Variants in VSIG10L observed in about 807,000 individuals in gnomAD.
VSIG10L encodes V-set and immunoglobulin domain-containing protein 10-like.
A neutral mutation model predicts 67.3 loss-of-function variants in VSIG10L; 63 were observed. The ratio of observed to expected loss-of-function variants is 0.94; its 90% CI spans 0.76 to 1.15. VSIG10L has a LOEUF of 1.15. VSIG10L is among the 50% of genes most tolerant of loss of function. The pLI is 0.00. For missense variants in VSIG10L, 1,050 were observed against 1,177.5 expected (o/e 0.89, Z 1.58); for synonymous variants, 499 against 524.9 (o/e 0.95, Z 0.67).
At chr19:51,334,894 G>A (rs1985446205) in intron 7 of VSIG10L, among the ~76,000 whole-genome samples, 1 of 152,172 alleles carries the variant, frequency 6.6e-6, no homozygotes. Flanking sequence ...AGCCCAGATC[G>A]TGCCACTGCA....
chr19:51,340,627 C>T lies in VSIG10L; in HGVS notation c.995G>A (p.Gly332Glu), dbSNP rs928587553. 3.3e-6 allele frequency: 5 copies of T among 1,534,550 alleles called. No homozygotes were observed. Among genetic ancestry groups the T allele is most frequent in the Middle Eastern group, 1.9e-4 (1 of 5,234 alleles). ...LRCLGWGPGR[G>E]ELSWSRDGRA... ...TCCGTCCCGGCTCCAGCTCAGCTCC[C>T]CGCGACCTGGCCCCCACCCCAGGCA... Residue 332 changes from glycine (G) to glutamate (E), a missense_variant, in exon 3 of 10, where the codon GGG (glycine) becomes GAG (glutamate). By Grantham distance (98) the Gly-to-Glu change is moderately conservative. Transcript: ENST00000335624. The surrounding 1 kb of genome is among the most constrained non-coding windows in gnomAD (Gnocchi z 6.3).
At chr19:51,332,937 C>T (rs2123546266) in intron 9 of VSIG10L, among the ~76,000 whole-genome samples, 1 of 152,198 alleles carries the variant, frequency 6.6e-6, no homozygotes, top group African/African-American at 2.4e-5. Context: ...GCAGCCTTGA[C>T]CTCCCAGGCC....
At position 51,339,151 on chromosome 19, in the gene VSIG10L, A is replaced by T; in HGVS notation, c.1475-9T>A. Reference sequence around the variant, plus strand: ...GGCCCCGGGGGGCAGGTCTGCGGAGAGAAGGGAGAGAATGAAGATGGAGTC... The same window carrying T: ...GGCCCCGGGGGGCAGGTCTGCGGAGTGAAGGGAGAGAATGAAGATGGAGTC... On this transcript the variant is annotated splice_polypyrimidine_tract_variant and intron_variant, in intron 4 of 9. Transcript: ENST00000335624. 2 of 1,284,562 alleles carry T rather than the reference A, an allele frequency of 1.6e-6. No homozygotes were observed. Among genetic ancestry groups the T allele is most frequent in the South Asian group, 5.3e-5 (2 of 37,770 alleles). 79.6% of individuals were successfully genotyped at this position (1,284,562 alleles called of 1,614,324 possible).
chr19:51,341,553 C>G lies in VSIG10L; in HGVS notation c.495G>C (p.Pro165=). The G allele has an allele frequency of 8.4e-6, 13 of 1,551,658 alleles. No homozygotes were observed. The highest frequency in any genetic ancestry group is 1.1e-5 in the Non-Finnish European group (13 of 1,146,994). ...CAGAGAGTTTAAGATCCATATCATCCGGGGAGAATTTTGAATCTGGGGCCT... is the reference window on the plus strand; with the variant it reads ...CAGAGAGTTTAAGATCCATATCATCGGGGGAGAATTTTGAATCTGGGGCCT... ...SVEAPDSKFS[P]DDMDLKLSAQ... is the part of the protein sequence containing the mutation. Residue 165 remains proline, a synonymous_variant, in exon 2 of 10, where the codon CCG becomes CCC. Coordinates refer to ENST00000335624, the MANE Select transcript of VSIG10L (RefSeq NM_001163922.3).
Position 51,341,867 on chromosome 19 carries a change from T to C in VSIG10L, c.181A>G (p.Lys61Glu). ...EVPSIKPPSW[K>E]VPDQFLDSKA... ...GAATCCAGGAACTGATCTGGAACTT[T>C]CCAGCTGGGAGGTTTGATGGAGGGA... is the stretch of plus-strand genomic sequence containing the variant. The change falls in exon 2 of 10, where the codon AAA becomes GAA. Residue 61 changes from lysine to glutamate, a missense_variant. Physicochemically the swap from Lys to Glu is moderately conservative, Grantham distance 56. Around this residue, in one of 3 missense-constraint regions of VSIG10L, gnomAD observed 511 missense variants for 557.9 expected, o/e 0.92. Coordinates refer to ENST00000335624, the MANE Select transcript of VSIG10L (RefSeq NM_001163922.3). 6.4e-7 allele frequency: 1 copy of C among 1,551,616 alleles called. No individual in the cohort carries two copies. The highest frequency in any genetic ancestry group is 1.2e-5 in the South Asian group (1 of 84,052).
At chr19:51,335,184 T>C (rs988748494) in intron 7 of VSIG10L, among the ~76,000 whole-genome samples, 1 of 152,100 alleles carries the variant, frequency 6.6e-6, no homozygotes, top group Non-Finnish European at 1.5e-5. Context: ...GGGTGGAGGA[T>C]AAGGAAGGAG....
At position 51,341,365 on chromosome 19, in the gene VSIG10L, C is replaced by T. The variant is rs903050041; in HGVS notation, c.683G>A (p.Arg228Gln). 27 of 1,538,646 alleles carry T rather than the reference C, an allele frequency of 1.8e-5. No individual in the cohort carries two copies. The highest frequency in any genetic ancestry group is 4.0e-5 in the Admixed American group (2 of 50,018). ...GPPTSLVVWRRGSKVLAAGGL... is the reference protein window; with the variant it reads ...GPPTSLVVWRQGSKVLAAGGL... ...CCCAGCTGCCAGCACCTTTGAGCCC[C>T]GGCGCCAGACCACCAGAGAGGTGGG... is the stretch of plus-strand genomic sequence containing the variant. Residue 228 changes from arginine to glutamine, a missense_variant, in exon 2 of 10, where the codon CGG becomes CAG. Around this residue, in one of 3 missense-constraint regions of VSIG10L, gnomAD observed 511 missense variants for 557.9 expected, o/e 0.92. Coordinates refer to ENST00000335624, the MANE Select transcript of VSIG10L (RefSeq NM_001163922.3).
At position 51,341,614 on chromosome 19, in the gene VSIG10L, A is replaced by C; in HGVS notation, c.434T>G (p.Ile145Ser). Residue 145 changes from isoleucine to serine, a missense_variant, in exon 2 of 10, where the codon ATT becomes AGT. Transcript: ENST00000335624. ...SFTVKTPASN[I>S]STQVSHTKLS... ...TTTGGTATGGGAGACTTGAGTAGAA[A>C]TGTTTGAAGCTGGGGTCTTAACAGT... The C allele has an allele frequency of 6.4e-7, 1 of 1,551,716 alleles. No individual in the cohort carries two copies. Among genetic ancestry groups the C allele is most frequent in the South Asian group, 1.2e-5 (1 of 84,064 alleles).
chr19:51,333,109 C>T (rs1440644348), intron 9 of VSIG10L, among the ~76,000 whole-genome samples: 1 of 152,146 alleles, frequency 6.6e-6, no homozygotes, highest in Non-Finnish European at 1.5e-5. Flanking sequence ...CTCAACCACC[C>T]GAAGTGCTGG....
At chr19:51,335,583 T>C (rs571731883) in intron 7 of VSIG10L, among the ~76,000 whole-genome samples, 1 of 152,264 alleles carries the variant, frequency 6.6e-6, no homozygotes, top group Admixed American at 6.5e-5. Flanking sequence ...CATCGAAAGA[T>C]CTGTTTTGGG....
chr19:51,338,272 C>T (rs1325647625), intron 5 of VSIG10L, 64 bp from the exon 6 acceptor site: 5 of 1,430,728 alleles, frequency 3.5e-6, no homozygotes, highest in Non-Finnish European at 4.6e-6. Context: ...AGAACAGATC[C>T]TATGCCCTAC....
chr19:51,337,974 C>G lies in VSIG10L; in HGVS notation c.1964G>C (p.Cys655Ser), dbSNP rs1182182406. The change falls in exon 6 of 10, where the codon TGC (cysteine) becomes TCC (serine). Residue 655 changes from cysteine (C) to serine (S), a missense_variant. By Grantham distance (112) the Cys-to-Ser change is moderately radical. This residue lies in a region of VSIG10L where 529 missense variants were observed against 584.9 expected (regional missense o/e 0.90). Transcript: ENST00000335624. The part of the protein sequence containing the change: ...DWDLGNYSVL[C>S]SGALGAGGDQ... Reference sequence around the variant, plus strand: ...ACCGCCAGCACCCAGCGCCCCACTGCACAGCACGGAGTAATTTCCCAGGTC... The same window carrying G: ...ACCGCCAGCACCCAGCGCCCCACTGGACAGCACGGAGTAATTTCCCAGGTC... 2 of 1,551,610 alleles carry G rather than the reference C, an allele frequency of 1.3e-6. No homozygotes were observed. Among genetic ancestry groups the G allele is most frequent in the Non-Finnish European group, 1.7e-6 (2 of 1,146,926 alleles).
chr19:51,335,709 G>A (rs1249140290), intron 7 of VSIG10L, among the ~76,000 whole-genome samples: 2 of 152,206 alleles, frequency 1.3e-5, no homozygotes, highest in Non-Finnish European at 2.9e-5. Flanking sequence ...AGGAGCTCAA[G>A]ACCAGCCTGG....
chr19:51,341,126 G>T (rs772756526), intron 2 of VSIG10L, 27 bp downstream of exon 2: 1 of 1,479,804 alleles, frequency 6.8e-7, no homozygotes, highest in Middle Eastern at 1.8e-4. Context: ...CCTGCCGCCT[G>T]CACGCCGGAC....
At position 51,340,320 on chromosome 19, in the gene VSIG10L, G is replaced by T; in HGVS notation, c.1190-21C>A. ...GCCGTCTGGAGGGAGGAGGGGTCGG[G>T]ACCGCGAGTGTCAGGGTCACCTGGG... On this transcript the variant is annotated intron_variant, in intron 3 of 9. Transcript: ENST00000335624. This position sits in a 1 kb window ranked among gnomAD's most constrained non-coding sequence, Gnocchi z 6.3. 1 of 1,494,454 alleles carries T rather than the reference G, an allele frequency of 6.7e-7. No homozygotes were observed. Among genetic ancestry groups the T allele is most frequent in the South Asian group, 1.2e-5 (1 of 80,050 alleles). 92.6% of individuals were successfully genotyped at this position (1,494,454 alleles called of 1,614,324 possible).
rs940462295 is a variant in VSIG10L at position 51,340,981 on chromosome 19, G to A, written c.895+172C>T. ...AGGCTCCCAGGAGTCTCCATCCCAG[G>A]TCCACCTTTGCTCAGACACCCCTGC... On this transcript the variant is annotated intron_variant, in intron 2 of 9. Coordinates refer to ENST00000335624, the MANE Select transcript of VSIG10L (RefSeq NM_001163922.3). This position sits in a 1 kb window ranked among gnomAD's most constrained non-coding sequence, Gnocchi z 6.3. 2 of 1,068,146 alleles carry A rather than the reference G, an allele frequency of 1.9e-6. No individual in the cohort carries two copies. Among genetic ancestry groups the A allele is most frequent in the African/African-American group, 3.2e-5 (2 of 61,574 alleles). 66.2% of individuals were successfully genotyped at this position (1,068,146 alleles called of 1,614,324 possible).
At position 51,341,484 on chromosome 19, in the gene VSIG10L, A is replaced by T. The variant is rs755030044; in HGVS notation, c.564T>A (p.Ala188=). ...ESKFSAETHS[A]ASFPQQVGGP... The stretch of plus-strand genomic sequence containing the variant: ...CCCCCACCTGCTGGGGAAAGCTTGC[A>T]GCTGAGTGGGTCTCTGCAGAAAATT... The change falls in exon 2 of 10, where the codon GCT becomes GCA. Residue 188 remains alanine, a synonymous_variant. Transcript: ENST00000335624. The T allele has an allele frequency of 1.3e-5, 20 of 1,548,900 alleles. No homozygotes were observed. In the African/African-American group the frequency reaches 2.2e-4, roughly 17 times the overall value.
intron 9 of VSIG10L, among the ~76,000 whole-genome samples, chr19:51,333,424 G>A (rs1187390770): frequency 6.6e-6 from 1 of 152,062 alleles, no homozygotes; most frequent in East Asian, 1.9e-4. Context: ...AGCTACTCAA[G>A]TGGCTGAGGC....
chr19:51,334,789 A>C (rs1397004439), intron 7 of VSIG10L, among the ~76,000 whole-genome samples: 1 of 152,056 alleles, frequency 6.6e-6, no homozygotes, highest in African/African-American at 2.4e-5. Flanking sequence ...AAAAAATAGA[A>C]AAACTAGCCA....
Sources: gnomAD v4.1 joint callset for allele counts (sites outside exome capture counted in the v4.1 genomes callset) on GRCh38, gnomAD v4.1.1 for gene constraint, gnomAD v4.1.1 regional missense constraint, Gnocchi (gnomAD v3.1) non-coding constraint, MANE v1.5 for transcripts, NCBI Gene and HGNC (gene_info 2026-07-23, HGNC 2026-07-21) for gene names.